Variants in MAP2K4 observed in about 807,000 individuals in gnomAD.
MAP2K4 encodes the protein mitogen-activated protein kinase kinase 4.
In MAP2K4, 4 loss-of-function variants were observed where a neutral mutation model predicts 48.5. The observed-to-expected ratio is 0.08, with a 90% CI of 0.04 to 0.19. The LOEUF is 0.19. MAP2K4 is among the 10% of genes least tolerant of loss of function. The pLI is 1.00. For missense variants in MAP2K4, 258 were observed against 493.3 expected (o/e 0.52, Z 4.52); for synonymous variants, 166 against 173.1 (o/e 0.96, Z 0.32).
At chr17:12,130,343 C>T (rs1315565313) in intron 9 of MAP2K4, among the ~76,000 whole-genome samples, 1 of 152,172 alleles carries the variant, frequency 6.6e-6, no homozygotes, top group East Asian at 1.9e-4. Context: ...CTCAAATTGG[C>T]TGCTTCCTCC....
At chr17:12,105,222 G>A (rs1480507653) in intron 4 of MAP2K4, among the ~76,000 whole-genome samples, 1 of 151,998 alleles carries the variant, frequency 6.6e-6, no homozygotes, top group Non-Finnish European at 1.5e-5. Flanking sequence ...ATTTTGATTA[G>A]AATTTAACTG....
intron 1 of MAP2K4, among the ~76,000 whole-genome samples, chr17:12,053,628 A>G (rs935597963): frequency 1.3e-5 from 2 of 151,556 alleles, no homozygotes; most frequent in African/African-American, 4.9e-5. Context: ...CTTCCTCTAC[A>G]TTATGTGGAA....
At chr17:12,048,899 C>T (rs1970047473) in intron 1 of MAP2K4, among the ~76,000 whole-genome samples, 1 of 152,028 alleles carries the variant, frequency 6.6e-6, no homozygotes, top group Admixed American at 6.6e-5. Flanking sequence ...TCAGGTGGTC[C>T]GTCCGCCTCA....
chr17:12,111,317 TGA>T (rs1248061109), intron 6 of MAP2K4, among the ~76,000 whole-genome samples: 1 of 152,218 alleles, frequency 6.6e-6, no homozygotes, highest in Non-Finnish European at 1.5e-5. Context: ...ACTAGGCCAC[TGA>T]AATTAGTGAA....
At chr17:12,122,440 C>T (rs1972723212) in intron 7 of MAP2K4, among the ~76,000 whole-genome samples, 2 of 152,256 alleles carry the variant, frequency 1.3e-5, no homozygotes, top group South Asian at 2.1e-4. Flanking sequence ...TCTCGGATTT[C>T]TTTTTGTCTT....
intron 1 of MAP2K4, among the ~76,000 whole-genome samples, chr17:12,051,985 A>G (rs758099856): frequency 2.2e-4 from 34 of 151,714 alleles, no homozygotes; most frequent in Non-Finnish European, 4.7e-4. Flanking sequence ...AGTATTGTAA[A>G]AGCTATTTTT....
chr17:12,096,367 A>G (rs1484581128), intron 4 of MAP2K4, among the ~76,000 whole-genome samples: 3 of 152,016 alleles, frequency 2.0e-5, no homozygotes, highest in Non-Finnish European at 4.4e-5. Context: ...TCCAGCTCTC[A>G]ATCCACTTAC....
chr17:12,125,940 T>C (rs887381911), intron 8 of MAP2K4, among the ~76,000 whole-genome samples: 7 of 152,106 alleles, frequency 4.6e-5, no homozygotes, highest in African/African-American at 1.7e-4. Context: ...ACTGGGTAAT[T>C]TATGAAGAGA....
At chr17:12,101,866 G>A (rs1478037164) in intron 4 of MAP2K4, among the ~76,000 whole-genome samples, 2 of 152,014 alleles carry the variant, frequency 1.3e-5, no homozygotes, top group African/African-American at 4.8e-5. Flanking sequence ...GATCTTGTGT[G>A]CAGCAACCTT....
At chr17:12,030,965 G>T (rs990360987) in intron 1 of MAP2K4, among the ~76,000 whole-genome samples, 2 of 152,274 alleles carry the variant, frequency 1.3e-5, no homozygotes, top group South Asian at 4.1e-4. Flanking sequence ...CTCATTTTGC[G>T]TGGTAGGAGG....
chr17:12,085,827 C>T (rs1247932065), intron 3 of MAP2K4, among the ~76,000 whole-genome samples: 1 of 152,052 alleles, frequency 6.6e-6, no homozygotes, highest in African/African-American at 2.4e-5. Flanking sequence ...GTTGAGTAGG[C>T]CTCCCTGGTG....
rs188564354 is a variant in MAP2K4, at chr17:12,054,030, T to C, written c.116-859T>C. On this transcript the variant is annotated intron_variant, in intron 1 of 10. Transcript: ENST00000353533. ...TTCTGTTACAAGGTATCCTTTTAAG[T>C]CCTAAAGAAATGATTCTGTAAGACT... Among the ~76,000 whole-genome samples, 5 of 152,292 alleles carry C rather than the reference T, an allele frequency of 3.3e-5. No homozygotes were observed. The East Asian group carries it at 9.6e-4, about 29-fold the overall frequency.
At chr17:12,052,417 GA>G (rs966824921) in intron 1 of MAP2K4, among the ~76,000 whole-genome samples, 8 of 151,996 alleles carry the variant, frequency 5.3e-5, no homozygotes, top group Non-Finnish European at 1.0e-4. Flanking sequence ...ATGCAATGCT[GA>G]AAAAAATCTC....
intron 7 of MAP2K4, among the ~76,000 whole-genome samples, chr17:12,117,302 G>A (rs926381375): frequency 6.6e-6 from 1 of 151,864 alleles, no homozygotes; most frequent in Non-Finnish European, 1.5e-5. Flanking sequence ...AATATGAAAC[G>A]TTACCAACAC....
chr17:12,066,541 CTT>C (rs1322295556), intron 2 of MAP2K4, among the ~76,000 whole-genome samples: 1 of 151,820 alleles, frequency 6.6e-6, no homozygotes, highest in Admixed American at 6.6e-5. Flanking sequence ...TCTTCTTCTT[CTT>C]TGTTTTTTGA....
At chr17:12,139,923 C>T (rs1348024775) in intron 10 of MAP2K4, 39 bp downstream of exon 10, 3 of 1,464,718 alleles carry the variant, frequency 2.0e-6, no homozygotes, top group African/African-American at 2.8e-5. Context: ...TACATCCTAA[C>T]CCCGGAACTC....
chr17:12,033,754 G>A (rs920575242), intron 1 of MAP2K4, among the ~76,000 whole-genome samples: 3 of 151,944 alleles, frequency 2.0e-5, no homozygotes, highest in South Asian at 2.1e-4. Flanking sequence ...GCATGACAAC[G>A]TTTAGCTTTT....
chr17:12,140,632 G>A (rs1461842657), intron 10 of MAP2K4, among the ~76,000 whole-genome samples: 1 of 152,058 alleles, frequency 6.6e-6, no homozygotes, highest in Non-Finnish European at 1.5e-5. Flanking sequence ...GGCCTCTTTT[G>A]GTCAAAAGAA....
chr17:12,121,531 C>T (rs991570574), intron 7 of MAP2K4, among the ~76,000 whole-genome samples: 13 of 147,766 alleles, frequency 8.8e-5, no homozygotes, highest in Non-Finnish European at 1.8e-4. Context: ...GCCGAGATCG[C>T]GCCACTGCAC....
Sources: gnomAD v4.1 joint callset for allele counts (sites outside exome capture counted in the v4.1 genomes callset) on GRCh38, gnomAD v4.1.1 for gene constraint, MANE v1.5 for transcripts, NCBI Gene and HGNC (gene_info 2026-07-23, HGNC 2026-07-21) for gene names.